The following STIM1 variants were observed in gnomAD, a reference collection of about 807,000 sequenced individuals.
STIM1 encodes stromal interaction molecule 1.
Under a neutral mutation model 74.7 loss-of-function variants are expected in STIM1, and 25 were observed. The observed-to-expected ratio is 0.33, with a 90% CI of 0.24 to 0.47. STIM1 has a LOEUF of 0.47. Ranked by LOEUF, STIM1 falls within the 20% of genes least tolerant of loss-of-function variation. The pLI is 1.00. For synonymous variants in STIM1, 328 were observed against 348.8 expected, an observed-to-expected ratio of 0.94 and a Z score of 0.66; for missense variants, 728 against 920.8, an observed-to-expected ratio of 0.79 and a Z score of 2.71.
At chr11:4,058,789 TC>T (rs2094310020) in intron 4 of STIM1, 16 of 988,462 alleles carry the variant, frequency 1.6e-5, no homozygotes, top group Non-Finnish European at 1.9e-5. Flanking sequence ...AAATTTTTTT[TC>T]CTTTTCTATA....
At chr11:4,049,495 T>C (rs1051998927) in intron 3 of STIM1, 2 of 151,808 alleles carry the variant, frequency 1.3e-5, no homozygotes, top group African/African-American at 4.8e-5. Flanking sequence ...TGGCTAATTT[T>C]TTTTTTTATT....
chr11:4,067,126 G>A (rs2920142), intron 5 of STIM1, among the ~76,000 whole-genome samples: 119,489 of 152,140 alleles, frequency 0.79, 49,915 homozygotes, highest in East Asian at 0.95. Flanking sequence ...ACACCTACAC[G>A]TTCGATCTCG....
intron 1 of STIM1, chr11:3,947,477 T>C (rs2093092434): frequency 6.6e-6 from 1 of 152,210 alleles, no homozygotes; most frequent in Non-Finnish European, 1.5e-5. Context: ...TTTCTGGCTC[T>C]GATGTTGAAT....
Position 3,941,653 on chromosome 11 carries a change from C to CATATAT in STIM1, c.140-25883_140-25878dup, listed in dbSNP as rs56890594. On this transcript the variant is annotated intron_variant, in intron 1 of 12. Coordinates refer to ENST00000526596, the MANE Select transcript of STIM1 (RefSeq NM_001382567.1). ...TATAGAGAGATAGTGTGTGTGTATA[C>CATATAT]ATATATATATATATATATATAGAGA... is the stretch of plus-strand genomic sequence containing the variant. 5.7e-3 allele frequency among the ~76,000 whole-genome samples: 694 copies of CATATAT among 122,570 alleles called. 2 individuals are homozygous for CATATAT. The highest frequency in any genetic ancestry group is 0.014 in the East Asian group (56 of 4,024). 80.4% of individuals were successfully genotyped at this position (122,570 alleles called of 152,430 possible).
intron 1 of STIM1, among the ~76,000 whole-genome samples, chr11:3,910,913 G>C (rs1029178564): frequency 2.6e-5 from 4 of 152,114 alleles, no homozygotes; most frequent in Non-Finnish European, 4.4e-5. Context: ...TTGAATCCAG[G>C]AGGCGAAGGT....
chr11:4,085,641 G>C (rs1054801004), intron 11 of STIM1, among the ~76,000 whole-genome samples: 1 of 152,230 alleles, frequency 6.6e-6, no homozygotes, highest in African/African-American at 2.4e-5. Context: ...ATGTGGTTAA[G>C]ATAATGATAG....
chr11:3,967,707 C>A, intron 2 of STIM1, 25 bp downstream of exon 2: 1 of 1,613,914 alleles, frequency 6.2e-7, no homozygotes, highest in South Asian at 1.1e-5. Context: ...CCTGCTATGT[C>A]TCTCTTTTCT....
intron 1 of STIM1, among the ~76,000 whole-genome samples, chr11:3,923,512 G>C (rs1301396280): frequency 6.6e-6 from 1 of 151,368 alleles, no homozygotes; most frequent in Non-Finnish European, 1.5e-5. Context: ...GGGAGGCTGA[G>C]GCATGAGAAT....
chr11:4,013,690 CTTTTTTTTTTTTT>C (rs1169600270), intron 2 of STIM1, among the ~76,000 whole-genome samples: 1,182 of 51,926 alleles, frequency 0.023, 19 homozygotes, highest in African/African-American at 0.11. Context: ...TCATTGATTT[CTTTTTTTTTTTTT>C]TTTTTTTTTT....
intron 2 of STIM1, among the ~76,000 whole-genome samples, chr11:4,019,744 G>A (rs1239958805): frequency 6.6e-6 from 1 of 152,090 alleles, no homozygotes; most frequent in African/African-American, 2.4e-5. Context: ...TCAAATTAGG[G>A]GGTAAAATTA....
At chr11:3,896,675 G>GC (rs969112963) in intron 1 of STIM1, among the ~76,000 whole-genome samples, 3 of 152,168 alleles carry the variant, frequency 2.0e-5, no homozygotes, top group Non-Finnish European at 2.9e-5. Flanking sequence ...AGTTTAGGGA[G>GC]CCCCCCAAAT....
Position 4,074,621 on chromosome 11 carries a change from G to A in STIM1, c.911G>A (p.Arg304Gln), listed in dbSNP as rs200976596. Reference protein sequence around the residue: ...KQEAQRLKELREGTENERSRQ... With the variant: ...KQEAQRLKELQEGTENERSRQ... ...GAAGCCCAGCGGCTGAAGGAGCTGC[G>A]GGAGGGTACTGAGAATGAGCGGAGC... Residue 304 changes from arginine (R) to glutamine (Q), a missense_variant, in exon 7 of 13, where the codon CGG (arginine) becomes CAG (glutamine). Around this residue, in one of 5 missense-constraint regions of STIM1, gnomAD observed 131 missense variants for 235.9 expected, o/e 0.56. Coordinates refer to ENST00000526596, the MANE Select transcript of STIM1 (RefSeq NM_001382567.1). The A allele has an allele frequency of 1.2e-6, 2 of 1,606,648 alleles. No homozygotes were observed. Among genetic ancestry groups the A allele is most frequent in the Non-Finnish European group, 1.7e-6 (2 of 1,176,400 alleles).
At position 3,895,614 on chromosome 11, in the gene STIM1, CTTTCTTT is replaced by C. The variant is rs1565104496; in HGVS notation, c.139+39206_139+39212del. ...TAGTGTTCTTTCTTTCTCTCTCTTT[CTTTCTTT>C]CTTTCTTTCTTTCTTTCTTTCTTTC... On this transcript the variant is annotated intron_variant, in intron 1 of 12. Coordinates refer to ENST00000526596, the MANE Select transcript of STIM1 (RefSeq NM_001382567.1). Among the ~76,000 whole-genome samples, 140 of 62,398 alleles carry C rather than the reference CTTTCTTT, an allele frequency of 2.2e-3. 3 individuals carry two copies. Among genetic ancestry groups the C allele is most frequent in the Non-Finnish European group, 3.2e-3 (103 of 32,478 alleles). 40.9% of individuals were successfully genotyped at this position (62,398 alleles called of 152,430 possible). A position where few individuals can be genotyped will look rare whatever the true frequency, so the allele number is the denominator to read the frequency against.
chr11:4,010,357 G>T (rs533594542), intron 2 of STIM1, among the ~76,000 whole-genome samples: 18 of 151,974 alleles, frequency 1.2e-4, no homozygotes, highest in Non-Finnish European at 1.6e-4. Context: ...TTTTAGTGGA[G>T]GCAGGGTTTC....
At chr11:4,023,293 C>T (rs2093973031) in intron 2 of STIM1, among the ~76,000 whole-genome samples, 1 of 152,110 alleles carries the variant, frequency 6.6e-6, no homozygotes, top group Non-Finnish European at 1.5e-5. Flanking sequence ...TGCGCCACTG[C>T]ACTCCAGCCT....
chr11:4,086,404 T>G, intron 11 of STIM1, 73 bp from the exon 12 acceptor site: 1 of 1,564,290 alleles, frequency 6.4e-7, no homozygotes, highest in South Asian at 1.1e-5. Context: ...AAGCATTTAT[T>G]CATGGGCACC....
chr11:3,862,097 G>T (rs2090635963), intron 1 of STIM1, among the ~76,000 whole-genome samples: 2 of 151,982 alleles, frequency 1.3e-5, no homozygotes, highest in Non-Finnish European at 2.9e-5. Context: ...TGCTGTTGTT[G>T]TTACTGTTGA....
chr11:4,013,830 G>A (rs1462171832), intron 2 of STIM1, among the ~76,000 whole-genome samples: 3 of 150,696 alleles, frequency 2.0e-5, no homozygotes, highest in South Asian at 4.2e-4. Context: ...TCCGCCTCCC[G>A]AGTAGCTGGG....
intron 3 of STIM1, among the ~76,000 whole-genome samples, chr11:4,050,684 T>C (rs769758024): frequency 6.6e-6 from 1 of 152,206 alleles, no homozygotes; most frequent in Non-Finnish European, 1.5e-5. Context: ...TTAGGGGTGC[T>C]GACTGTCCCT....
Sources: allele counts gnomAD v4.1 joint callset (sites outside exome capture counted in the v4.1 genomes callset), GRCh38; gene constraint gnomAD v4.1.1; regional missense constraint gnomAD v4.1.1; transcripts MANE v1.5; gene names NCBI Gene and HGNC (gene_info 2026-07-23, HGNC 2026-07-21).